CHM: variants seen among roughly 807,000 people sequenced by gnomAD.
CHM encodes rab proteins geranylgeranyltransferase component A 1.
Under a neutral mutation model 49.0 loss-of-function variants are expected in CHM, and 10 were observed. That is an observed-to-expected ratio of 0.20 (90% CI 0.13 to 0.35). The LOEUF (loss-of-function observed/expected upper bound fraction) is 0.35, where lower values mean the gene tolerates loss of function less well. Ranked by LOEUF, CHM falls within the 10% of genes least tolerant of loss-of-function variation. CHM has a pLI of 1.00. For missense variants in CHM, 455 were observed against 478.4 expected (o/e 0.95, Z 0.46); for synonymous variants, 184 against 167.5 (o/e 1.10, Z -0.76).
rs1301496565 is a variant in CHM, at chrX:85,879,436, C to T, written c.1511-373G>A. ...TATACATGTTTTGCTGATAAGTTAA[C>T]AACAAATTATCTACTAATTACAGGG... On this transcript the variant is annotated intron_variant, in intron 12 of 14. Transcript: ENST00000357749. Among the ~76,000 whole-genome samples the T allele has an allele frequency of 3.6e-5, 4 of 111,944 alleles. No individual in the cohort carries two copies. The Admixed American group carries it at 3.8e-4, about 11-fold the overall frequency.
chrX:85,904,107 A>G (rs1373646449), intron 9 of CHM, among the ~76,000 whole-genome samples: 1 of 111,929 alleles, frequency 8.9e-6, no homozygotes, highest in African/African-American at 3.2e-5. Context: ...AAATTAGATG[A>G]CATTTAATTA....
intron 8 of CHM, among the ~76,000 whole-genome samples, chrX:85,944,577 T>A (rs779541986): frequency 4.9e-4 from 55 of 112,063 alleles, no homozygotes; most frequent in Non-Finnish European, 6.0e-4. Flanking sequence ...TATCCATTTA[T>A]ATATTTGTAA....
chrX:85,886,116 T>C (rs1414313361), intron 12 of CHM, among the ~76,000 whole-genome samples: 1 of 111,076 alleles, frequency 9.0e-6, no homozygotes, highest in Non-Finnish European at 1.9e-5. Flanking sequence ...AACATTCAGA[T>C]AGAATGGTAA....
chrX:85,911,750 C>A (rs1927041329), intron 8 of CHM, among the ~76,000 whole-genome samples: 1 of 111,393 alleles, frequency 9.0e-6, no homozygotes. Flanking sequence ...TGGAAAACTC[C>A]TAGATATTTT....
At chrX:85,916,203 A>G (rs1278822071) in intron 8 of CHM, among the ~76,000 whole-genome samples, 1 of 112,113 alleles carries the variant, frequency 8.9e-6, no homozygotes, top group Non-Finnish European at 1.9e-5. Context: ...TGGGGAAAGG[A>G]TTCCCTATTC....
chrX:85,996,971 A>G (rs1932468420), intron 2 of CHM, among the ~76,000 whole-genome samples: 1 of 111,771 alleles, frequency 8.9e-6, no homozygotes, highest in African/African-American at 3.3e-5. Context: ...TTCCCTCAAC[A>G]TCTGCCCTTT....
intron 2 of CHM, among the ~76,000 whole-genome samples, chrX:86,007,982 C>T (rs1388385610): frequency 8.9e-6 from 1 of 112,010 alleles, no homozygotes; most frequent in African/African-American, 3.3e-5. Context: ...GCACTATTCA[C>T]AATAGCAAAG....
At chrX:85,957,661 A>G (rs1569425163) in intron 7 of CHM, among the ~76,000 whole-genome samples, 194 bp downstream of exon 7, 1 of 111,068 alleles carries the variant, frequency 9.0e-6, no homozygotes, top group East Asian at 2.8e-4. Flanking sequence ...GAGAAACTGA[A>G]TTTATTTTAT....
Position 85,952,193 on chromosome X carries a change from A to G in CHM, c.1166+3960T>C, listed in dbSNP as rs150241847. Among the ~76,000 whole-genome samples, 147 of 111,468 alleles carry G rather than the reference A, an allele frequency of 1.3e-3. 2 individuals carry two copies. Among genetic ancestry groups the G allele is most frequent in the African/African-American group, 4.5e-3 (138 of 30,704 alleles). On this transcript the variant is annotated intron_variant, in intron 8 of 14. Coordinates refer to ENST00000357749, the MANE Select transcript of CHM (RefSeq NM_000390.4). ...TAATGCTAGGCTGGGCTTAGAGCCC[A>G]TGGACTAGGGCAGCACATGACCTAG...
chrX:85,902,112 A>T (rs182915330), intron 9 of CHM, among the ~76,000 whole-genome samples: 87 of 111,995 alleles, frequency 7.8e-4, no homozygotes, highest in Non-Finnish European at 1.4e-3. Context: ...TTGATTATGG[A>T]AATATCAATT....
intron 8 of CHM, among the ~76,000 whole-genome samples, chrX:85,946,026 G>A (rs781586987): frequency 8.9e-6 from 1 of 111,983 alleles, no homozygotes; most frequent in Admixed American, 9.4e-5. Flanking sequence ...ATGATTTAGG[G>A]TATCTGGTTA....
chrX:86,018,873 C>A (rs1933415005), intron 2 of CHM, among the ~76,000 whole-genome samples: 1 of 111,942 alleles, frequency 8.9e-6, no homozygotes, highest in Admixed American at 9.5e-5. Flanking sequence ...GGGTTAGGAA[C>A]TGAAGGCAGG....
intron 2 of CHM, among the ~76,000 whole-genome samples, chrX:86,009,026 A>G (rs955890275): frequency 7.1e-5 from 8 of 112,407 alleles, no homozygotes; most frequent in African/African-American, 2.6e-4. Flanking sequence ...AAACTTTCAT[A>G]TACTAATCCT....
At chrX:85,887,916 G>A (rs751753273) in intron 12 of CHM, among the ~76,000 whole-genome samples, 3 of 111,909 alleles carry the variant, frequency 2.7e-5, no homozygotes, top group South Asian at 7.5e-4. Flanking sequence ...TGACTTGGGT[G>A]CTGTTAAAGG....
rs896238781 is a variant in CHM, at chrX:85,863,423, A to G, written c.*1207T>C. On this transcript the variant is annotated 3_prime_UTR_variant, in exon 15 of 15. Transcript: ENST00000357749. ...TATTAGGGCTTACCAACTGTCATAC[A>G]CAATTTGGAGTCCTTGGTGGTTGCA... is the stretch of plus-strand genomic sequence containing the variant. 1.8e-5 allele frequency: 2 copies of G among 111,752 alleles called. No homozygotes were observed. Among genetic ancestry groups the G allele is most frequent in the African/African-American group, 6.5e-5 (2 of 30,717 alleles). 9.2% of individuals were successfully genotyped at this position (111,752 alleles called of 1,213,427 possible).
At chrX:86,035,450 G>C (rs754682969) in intron 1 of CHM, among the ~76,000 whole-genome samples, 252 of 111,428 alleles carry the variant, frequency 2.3e-3, no homozygotes, top group African/African-American at 7.9e-3. Context: ...AAGGTGATTA[G>C]AGAACAGGAA....
Position 85,868,028 on chromosome X carries a change from T to C in CHM, c.1771-3207A>G, listed in dbSNP as rs1242469024. On this transcript the variant is annotated intron_variant, in intron 14 of 14. Transcript: ENST00000357749. ...CCACTAATAGTTACCACTGTGTGTG[T>C]GTGTGTGTGTGTGTGTGTGTGTGTG... is the stretch of plus-strand genomic sequence containing the variant. 3.6e-5 allele frequency among the ~76,000 whole-genome samples: 4 copies of C among 110,243 alleles called. No individual in the cohort carries two copies. The East Asian group carries it at 1.1e-3, about 31-fold the overall frequency.
intron 2 of CHM, among the ~76,000 whole-genome samples, chrX:85,997,098 T>A (rs1215920357): frequency 9.0e-6 from 1 of 111,714 alleles, no homozygotes; most frequent in African/African-American, 3.3e-5. Context: ...CTTGCCTCTG[T>A]CATTTTCTTT....
At chrX:85,998,658 C>A (rs994872928) in intron 2 of CHM, among the ~76,000 whole-genome samples, 1 of 111,650 alleles carries the variant, frequency 9.0e-6, no homozygotes, top group Non-Finnish European at 1.9e-5. Flanking sequence ...GATCACATGG[C>A]TGCCTGGAAG....
Sources: allele counts gnomAD v4.1 joint callset (sites outside exome capture counted in the v4.1 genomes callset), GRCh38; gene constraint gnomAD v4.1.1; transcripts MANE v1.5; gene names NCBI Gene and HGNC (gene_info 2026-07-23, HGNC 2026-07-21).